The following MCPH1 variants were observed in gnomAD, a reference collection of about 807,000 sequenced individuals.
The protein encoded by MCPH1 is microcephalin 1.
MCPH1 carries 104 observed loss-of-function variants against 84.5 expected under a neutral mutation model. The ratio of observed to expected loss-of-function variants is 1.23; its 90% CI spans 1.05 to 1.45. MCPH1 has a LOEUF of 1.45. MCPH1 is among the 40% of genes most tolerant of loss of function. The pLI, the probability that MCPH1 is intolerant of heterozygous loss-of-function variation, is 0.00. For missense variants in MCPH1, 1,498 were observed against 1,005.7 expected, an observed-to-expected ratio of 1.49 and a Z score of -6.62; for synonymous variants, 514 against 366.8, an observed-to-expected ratio of 1.40 and a Z score of -4.58.
At chr8:6,543,390 C>A (rs114663778) in intron 12 of MCPH1, among the ~76,000 whole-genome samples, 3 of 152,160 alleles carry the variant, frequency 2.0e-5, no homozygotes, top group African/African-American at 7.2e-5. Flanking sequence ...ACCCTTCTCT[C>A]TGTGCTTTCC....
At chr8:6,559,246 C>CACACACAT (rs1359259000) in intron 12 of MCPH1, among the ~76,000 whole-genome samples, 2 of 151,798 alleles carry the variant, frequency 1.3e-5, no homozygotes, top group Non-Finnish European at 2.9e-5. Flanking sequence ...CACACACACA[C>CACACACAT]ACACACACAC....
At chr8:6,618,762 G>C (rs1260949162) in intron 12 of MCPH1, 3 of 152,078 alleles carry the variant, frequency 2.0e-5, no homozygotes, top group Admixed American at 1.3e-4. Context: ...TAACAAAAAA[G>C]TCACTTAAAG....
chr8:6,545,574 G>A (rs963726716), intron 12 of MCPH1, among the ~76,000 whole-genome samples: 1 of 152,136 alleles, frequency 6.6e-6, no homozygotes, highest in South Asian at 2.1e-4. Flanking sequence ...ATCTGATGAG[G>A]GTTAAAATGT....
rs1809281626 is a variant in MCPH1, at chr8:6,481,831, G to C, written c.2136+955G>C. On this transcript the variant is annotated intron_variant, in intron 11 of 13. Coordinates refer to ENST00000344683, the MANE Select transcript of MCPH1 (RefSeq NM_024596.5). ...TATTAGTACTGCTTTATGTTTATTT[G>C]GATGAAAGACAGTAGTGCCCCTCTC... 2.0e-5 allele frequency among the ~76,000 whole-genome samples: 3 copies of C among 152,120 alleles called. 1 individual carries two copies. Among genetic ancestry groups the C allele is most frequent in the East Asian group, 1.9e-4 (1 of 5,198 alleles).
intron 12 of MCPH1, among the ~76,000 whole-genome samples, chr8:6,531,126 T>G (rs573401844): frequency 1.3e-5 from 2 of 152,008 alleles, no homozygotes; most frequent in Non-Finnish European, 2.9e-5. Flanking sequence ...GGCCTTGAGC[T>G]TGGAGCGTCT....
At position 6,569,718 on chromosome 8, in the gene MCPH1, C is replaced by G. The variant is rs958709513; in HGVS notation, c.2215-51736C>G. Among the ~76,000 whole-genome samples the G allele has an allele frequency of 3.3e-5, 5 of 152,320 alleles. No homozygotes were observed. The East Asian group carries it at 7.7e-4, about 23-fold the overall frequency. On this transcript the variant is annotated intron_variant, in intron 12 of 13. Transcript: ENST00000344683. ...TTATGAATTTAAGGAGAATTGAAAG[C>G]AATAATTTTGCCCCTCTTTAACATG...
chr8:6,615,406 A>C (rs904090994), intron 12 of MCPH1, among the ~76,000 whole-genome samples: 11 of 152,244 alleles, frequency 7.2e-5, no homozygotes, highest in Non-Finnish European at 1.0e-4. Flanking sequence ...ACTCACAATG[A>C]AATGAGTTCA....
intron 12 of MCPH1, among the ~76,000 whole-genome samples, chr8:6,525,988 T>G (rs1398367102): frequency 6.6e-6 from 1 of 152,212 alleles, no homozygotes; most frequent in Non-Finnish European, 1.5e-5. Flanking sequence ...TATTAGGGTA[T>G]GTTCTACAAA....
intron 12 of MCPH1, among the ~76,000 whole-genome samples, chr8:6,511,399 C>G (rs1276680280): frequency 6.6e-6 from 1 of 151,978 alleles, no homozygotes; most frequent in Non-Finnish European, 1.5e-5. Context: ...ATAAAACTGC[C>G]AGAATGTGTG....
At chr8:6,430,241 A>T (rs142200925) in intron 3 of MCPH1, among the ~76,000 whole-genome samples, 1 of 152,152 alleles carries the variant, frequency 6.6e-6, no homozygotes, top group Non-Finnish European at 1.5e-5. Context: ...TTAAATTTGT[A>T]CATTTTTGCA....
At chr8:6,545,211 C>T (rs112491755) in intron 12 of MCPH1, among the ~76,000 whole-genome samples, 1 of 152,046 alleles carries the variant, frequency 6.6e-6, no homozygotes, top group African/African-American at 2.4e-5. Flanking sequence ...AGCAGTGGCA[C>T]GAGGGAGCCT....
intron 12 of MCPH1, among the ~76,000 whole-genome samples, chr8:6,550,550 C>A (rs1449308158): frequency 6.6e-6 from 1 of 152,214 alleles, no homozygotes; most frequent in Non-Finnish European, 1.5e-5. Flanking sequence ...ACATTTGTTC[C>A]CACTCGGGGT....
chr8:6,501,899 C>T (rs1467875415), intron 12 of MCPH1: 1 of 150,162 alleles, frequency 6.7e-6, no homozygotes, highest in Non-Finnish European at 1.5e-5. Flanking sequence ...ATATTATGAA[C>T]ATCAGATTTT....
chr8:6,523,991 C>A (rs759594587), intron 12 of MCPH1, among the ~76,000 whole-genome samples: 1 of 151,826 alleles, frequency 6.6e-6, no homozygotes, highest in Non-Finnish European at 1.5e-5. Flanking sequence ...GCAGGAAAAG[C>A]AGCAACTAAA....
intron 9 of MCPH1, among the ~76,000 whole-genome samples, chr8:6,471,119 C>G (rs1279186919): frequency 3.3e-5 from 5 of 152,050 alleles, no homozygotes; most frequent in Non-Finnish European, 7.4e-5. Context: ...GGATCTTGGA[C>G]CTACCACCAA....
rs1475345162 is a variant in MCPH1 at position 6,609,828 on chromosome 8, C to CCCCCCCCCCCCCA, written c.2215-11625_2215-11624insCCCCCCCCCCCAC. Among the ~76,000 whole-genome samples, 7 of 108,796 alleles carry CCCCCCCCCCCCCA rather than the reference C, an allele frequency of 6.4e-5. 1 individual carries two copies. The highest frequency in any genetic ancestry group is 0.011 in the Middle Eastern group (2 of 190). 71.4% of individuals were successfully genotyped at this position (108,796 alleles called of 152,430 possible). On this transcript the variant is annotated intron_variant, in intron 12 of 13. Coordinates refer to ENST00000344683, the MANE Select transcript of MCPH1 (RefSeq NM_024596.5). ...CAAAGCAATGCCCCCCGCCCCCCCCCCACACACAGACTGCCAGGTAAACCA... is the reference window on the plus strand; with the variant it reads ...CAAAGCAATGCCCCCCGCCCCCCCCCCCCCCCCCCCCCACACACACAGACTGCCAGGTAAACCA...
chr8:6,503,333 C>A, intron 12 of MCPH1: 1 of 1,541,418 alleles, frequency 6.5e-7, no homozygotes, highest in South Asian at 1.2e-5. Context: ...CAGCAATACT[C>A]AGCTAAGGCA....
chr8:6,595,133 A>G (rs1473768319), intron 12 of MCPH1, among the ~76,000 whole-genome samples: 1 of 152,162 alleles, frequency 6.6e-6, no homozygotes, highest in African/African-American at 2.4e-5. Context: ...TAAAACAGAG[A>G]TGATTGATTG....
intron 12 of MCPH1, among the ~76,000 whole-genome samples, chr8:6,528,122 C>T (rs1433197920): frequency 6.6e-6 from 1 of 152,148 alleles, no homozygotes; most frequent in Non-Finnish European, 1.5e-5. Flanking sequence ...GTCTGGAACT[C>T]CTGACCTCAA....
Sources: gnomAD v4.1 joint callset for allele counts (sites outside exome capture counted in the v4.1 genomes callset) on GRCh38, gnomAD v4.1.1 for gene constraint, MANE v1.5 for transcripts, NCBI Gene and HGNC (gene_info 2026-07-23, HGNC 2026-07-21) for gene names.